The following UNC13C variants were observed in gnomAD, a reference collection of about 807,000 sequenced individuals.
UNC13C encodes the protein protein unc-13 homolog C.
In UNC13C, 174 loss-of-function variants were observed where a neutral mutation model predicts 245.4. The ratio of observed to expected loss-of-function variants is 0.71; its 90% CI spans 0.63 to 0.80. The LOEUF is 0.80. Ranked by LOEUF, UNC13C falls within the 30% of genes least tolerant of loss-of-function variation. The pLI is 0.00. For missense variants in UNC13C, 2,829 were observed against 2,602.9 expected (o/e 1.09, Z -1.89); for synonymous variants, 992 against 895.1 (o/e 1.11, Z -1.93).
At chr15:54,562,808 A>G (rs1897350068) in intron 29 of UNC13C, among the ~76,000 whole-genome samples, 1 of 151,968 alleles carries the variant, frequency 6.6e-6, no homozygotes, top group Non-Finnish European at 1.5e-5. Flanking sequence ...TCTATTTTTA[A>G]AAGGCCTCCA....
At chr15:53,918,906 C>T in the UNC13C span, among the ~76,000 whole-genome samples, 5 of 152,128 alleles carry the variant, frequency 3.3e-5, no homozygotes, top group Non-Finnish European at 5.9e-5. Context: ...AGCAATTTTT[C>T]GACAGTCACA....
At chr15:54,560,125 C>G (rs902347916) in intron 29 of UNC13C, among the ~76,000 whole-genome samples, 2 of 151,880 alleles carry the variant, frequency 1.3e-5, no homozygotes, top group Non-Finnish European at 2.9e-5. Context: ...ATGATTATAT[C>G]TAAGTCTGCA....
At chr15:54,443,689 A>G (rs1890654357) in intron 19 of UNC13C, among the ~76,000 whole-genome samples, 1 of 152,034 alleles carries the variant, frequency 6.6e-6, no homozygotes. Flanking sequence ...CATGATTTAT[A>G]AATTTTCATG....
chr15:53,847,342 G>A, the UNC13C span, among the ~76,000 whole-genome samples: 1 of 151,698 alleles, frequency 6.6e-6, no homozygotes, highest in African/African-American at 2.4e-5. Context: ...AACTAGGTAA[G>A]GCATTTCATT....
intron 14 of UNC13C, among the ~76,000 whole-genome samples, chr15:54,324,335 C>T (rs1241562863): frequency 6.6e-6 from 1 of 151,930 alleles, no homozygotes; most frequent in African/African-American, 2.4e-5. Flanking sequence ...GGTGCATAGC[C>T]CACACATTTT....
chr15:54,108,243 G>GT (rs1900553597), intron 2 of UNC13C, among the ~76,000 whole-genome samples: 1 of 151,994 alleles, frequency 6.6e-6, no homozygotes, highest in Admixed American at 6.5e-5. Flanking sequence ...CTGGAGTGCA[G>GT]TGGCGCGATC....
At chr15:54,126,169 A>T (rs2141204409) in intron 2 of UNC13C, among the ~76,000 whole-genome samples, 1 of 152,330 alleles carries the variant, frequency 6.6e-6, no homozygotes, top group Admixed American at 6.5e-5. Context: ...AAATGCACCA[A>T]ATAAAAGTTA....
At chr15:53,854,176 AGT>A in the UNC13C span, among the ~76,000 whole-genome samples, 1 of 137,900 alleles carries the variant, frequency 7.3e-6, no homozygotes, top group Non-Finnish European at 1.5e-5. Flanking sequence ...GCTGGAGTGC[AGT>A]GGCGCAATCT....
intron 19 of UNC13C, among the ~76,000 whole-genome samples, chr15:54,475,375 T>C (rs990618295): frequency 1.3e-5 from 2 of 151,610 alleles, no homozygotes; most frequent in East Asian, 3.9e-4. Flanking sequence ...GTTACATATG[T>C]ACACATGTGC....
At chr15:54,098,903 G>A (rs1429137749) in intron 2 of UNC13C, among the ~76,000 whole-genome samples, 4 of 152,316 alleles carry the variant, frequency 2.6e-5, no homozygotes, top group Non-Finnish European at 5.9e-5. Context: ...GGTTGGCTGA[G>A]TTTGAAATAG....
intron 2 of UNC13C, among the ~76,000 whole-genome samples, chr15:54,065,500 C>G (rs1898034714): frequency 6.6e-6 from 1 of 152,170 alleles, no homozygotes; most frequent in Non-Finnish European, 1.5e-5. Flanking sequence ...TATTGGTAAG[C>G]CCCTGTAAGA....
Position 54,546,703 on chromosome 15 carries a change from A to G in UNC13C, c.5697-19A>G. 3.5e-6 allele frequency: 5 copies of G among 1,420,618 alleles called. No homozygotes were observed. Among genetic ancestry groups the G allele is most frequent in the Non-Finnish European group, 4.7e-6 (5 of 1,069,002 alleles). 88.0% of individuals were successfully genotyped at this position (1,420,618 alleles called of 1,614,324 possible). A position where few individuals can be genotyped will look rare whatever the true frequency, so the allele number is the denominator to read the frequency against. On this transcript the variant is annotated intron_variant, in intron 26 of 32. Transcript: ENST00000260323. ...ATCTGAAATTTAAAAGTGAATATAT[A>G]TATATATTTTTTTTTCAGATTAAGT...
chr15:54,127,756 A>G (rs911616686), intron 2 of UNC13C, among the ~76,000 whole-genome samples: 1 of 55,734 alleles, frequency 1.8e-5, no homozygotes, highest in African/African-American at 7.4e-5. Flanking sequence ...TTTCATATAT[A>G]TTTATGTATA....
chr15:54,054,671 A>T (rs1239842048), intron 2 of UNC13C, among the ~76,000 whole-genome samples: 1 of 152,164 alleles, frequency 6.6e-6, no homozygotes, highest in African/African-American at 2.4e-5. Context: ...TTTATAATGT[A>T]CTATGTTGAC....
At chr15:53,929,136 C>T in the UNC13C span, among the ~76,000 whole-genome samples, 38 of 152,232 alleles carry the variant, frequency 2.5e-4, no homozygotes, top group East Asian at 6.0e-3. Context: ...CAAAGGAAAG[C>T]GAAGGCACAT....
At chr15:54,481,323 C>G (rs1400188692) in intron 19 of UNC13C, among the ~76,000 whole-genome samples, 1 of 152,082 alleles carries the variant, frequency 6.6e-6, no homozygotes, top group Non-Finnish European at 1.5e-5. Context: ...CTGGAGCCAG[C>G]AGTGGCAGTG....
chr15:54,500,752 A>C (rs1435535890), intron 21 of UNC13C, 83 bp from the exon 22 acceptor site: 1 of 1,136,874 alleles, frequency 8.8e-7, no homozygotes, highest in Non-Finnish European at 1.3e-6. Context: ...CGGGAGATTC[A>C]GTTGTTGATG....
At chr15:54,486,276 C>CACAG (rs1555472896) in intron 19 of UNC13C, among the ~76,000 whole-genome samples, 8 of 150,930 alleles carry the variant, frequency 5.3e-5, no homozygotes, top group African/African-American at 2.0e-4. Context: ...CACACACACA[C>CACAG]ACACACACAC....
chr15:54,590,466 C>T (rs543109307), intron 30 of UNC13C, among the ~76,000 whole-genome samples: 19 of 152,142 alleles, frequency 1.2e-4, no homozygotes, highest in African/African-American at 2.4e-4. Flanking sequence ...TTTCTTTCAC[C>T]GGTGTTAAGT....
Sources: allele counts gnomAD v4.1 joint callset (sites outside exome capture counted in the v4.1 genomes callset), GRCh38; gene constraint gnomAD v4.1.1; transcripts MANE v1.5; gene names NCBI Gene and HGNC (gene_info 2026-07-23, HGNC 2026-07-21).